TRIP12: variants seen among roughly 807,000 people sequenced by gnomAD.
The protein encoded by TRIP12 is thyroid hormone receptor interactor 12, also known as E3 ubiquitin-protein ligase TRIP12.
TRIP12 carries 25 observed loss-of-function variants against 244.2 expected under a neutral mutation model. The ratio of observed to expected loss-of-function variants is 0.10; its 90% CI spans 0.07 to 0.14. The LOEUF is 0.14. TRIP12 is among the 10% of genes least tolerant of loss of function. The pLI is 1.00. For synonymous variants in TRIP12, 905 were observed against 873.1 expected, an observed-to-expected ratio of 1.04 and a Z score of -0.64; for missense variants, 1,677 against 2,486.4, an observed-to-expected ratio of 0.67 and a Z score of 6.92.
At chr2:229,789,801 T>C in intron 30 of TRIP12, 39 bp from the exon 31 acceptor site, 1 of 1,610,224 alleles carries the variant, frequency 6.2e-7, no homozygotes, top group Non-Finnish European at 8.5e-7. Context: ...TGATCAAAGT[T>C]AGAAAGGCTA....
At chr2:229,820,856 C>CT in intron 8 of TRIP12, among the ~76,000 whole-genome samples, 1 of 152,274 alleles carries the variant, frequency 6.6e-6, no homozygotes, top group East Asian at 1.9e-4. Context: ...TCCCAAAGTG[C>CT]TGGGATTACA....
intron 4 of TRIP12, among the ~76,000 whole-genome samples, chr2:229,852,156 C>T (rs1389313973): frequency 6.6e-6 from 1 of 152,184 alleles, no homozygotes; most frequent in African/African-American, 2.4e-5. Flanking sequence ...CAAAAGTAAG[C>T]TGTTAACTAC....
At chr2:229,854,105 G>A (rs565783803) in intron 4 of TRIP12, among the ~76,000 whole-genome samples, 1 of 152,060 alleles carries the variant, frequency 6.6e-6, no homozygotes, top group East Asian at 1.9e-4. Context: ...TGGATATATT[G>A]CTTAGTGGCA....
At chr2:229,855,541 C>T (rs10209530) in intron 4 of TRIP12, among the ~76,000 whole-genome samples, 3 of 144,372 alleles carry the variant, frequency 2.1e-5, no homozygotes, top group African/African-American at 7.8e-5. Flanking sequence ...TCTCTAGAGT[C>T]TTAGTATCTC....
intron 37 of TRIP12, among the ~76,000 whole-genome samples, chr2:229,774,825 G>A (rs1197196056): frequency 6.8e-6 from 1 of 146,708 alleles, no homozygotes; most frequent in East Asian, 2.0e-4. Context: ...GCAACACTGT[G>A]ATCTAAAAAA....
chr2:229,833,169 G>A (rs6740255), intron 6 of TRIP12, among the ~76,000 whole-genome samples: 2,643 of 152,260 alleles, frequency 0.017, 38 homozygotes, highest in Non-Finnish European at 0.025. Flanking sequence ...ATCTCAAACT[G>A]CACTGCCACA....
intron 1 of TRIP12, among the ~76,000 whole-genome samples, chr2:229,909,116 A>G (rs961456583): frequency 6.8e-6 from 1 of 147,726 alleles, no homozygotes; most frequent in Non-Finnish European, 1.5e-5. Flanking sequence ...AAGAGATTTT[A>G]TGTTAGTTTT....
intron 2 of TRIP12, among the ~76,000 whole-genome samples, chr2:229,866,128 T>C (rs2061473874): frequency 6.6e-6 from 1 of 152,210 alleles, no homozygotes; most frequent in Non-Finnish European, 1.5e-5. Flanking sequence ...ATGAAAACCT[T>C]ATGAAAAGCC....
At chr2:229,829,350 A>T in intron 7 of TRIP12, 62 bp from the exon 8 acceptor site, 1 of 1,368,746 alleles carries the variant, frequency 7.3e-7, no homozygotes. Flanking sequence ...GATGTATCTA[A>T]AAATTTCAAG....
intron 25 of TRIP12, 31 bp from the exon 26 acceptor site, chr2:229,795,361 C>T: frequency 6.3e-7 from 1 of 1,579,462 alleles, no homozygotes; most frequent in Non-Finnish European, 8.6e-7. Flanking sequence ...ACAGGTTAAA[C>T]AAAGCCTTTT....
At chr2:229,788,188 T>G (rs2040562804) in intron 32 of TRIP12, among the ~76,000 whole-genome samples, 1 of 152,252 alleles carries the variant, frequency 6.6e-6, no homozygotes, top group Non-Finnish European at 1.5e-5. Flanking sequence ...AGCCTTTCAA[T>G]GCAGAATCTG....
chr2:229,903,200 C>G lies in TRIP12; in HGVS notation c.-50+18680G>C, dbSNP rs915511452. On this transcript the variant is annotated intron_variant, in intron 1 of 41. Transcript: ENST00000675903. ...TGGACACAATGACTTCAAGCCTTGA[C>G]AGCCATTCAGTAACCGTGAGAACCA... Among the ~76,000 whole-genome samples, 9 of 152,036 alleles carry G rather than the reference C, an allele frequency of 5.9e-5. No homozygotes were observed. In the East Asian group the frequency reaches 1.7e-3, roughly 29 times the overall value.
chr2:229,824,484 A>C (rs1056829723), intron 8 of TRIP12, among the ~76,000 whole-genome samples: 1 of 152,190 alleles, frequency 6.6e-6, no homozygotes, highest in Non-Finnish European at 1.5e-5. Context: ...AAAAATACGA[A>C]AGCTACATTT....
intron 5 of TRIP12, among the ~76,000 whole-genome samples, 192 bp downstream of exon 5, chr2:229,840,630 A>AG (rs1223241999): frequency 1.3e-5 from 2 of 152,104 alleles, no homozygotes; most frequent in East Asian, 3.9e-4. Flanking sequence ...TGAACCCGGG[A>AG]GGCGCAGGTT....
chr2:229,903,938 A>G (rs944926799), intron 1 of TRIP12, among the ~76,000 whole-genome samples: 3 of 151,928 alleles, frequency 2.0e-5, no homozygotes, highest in Non-Finnish European at 2.9e-5. Context: ...AGGAGGGCTG[A>G]GGCAGGAGGA....
At chr2:229,850,550 C>A (rs1396289925) in intron 4 of TRIP12, among the ~76,000 whole-genome samples, 3 of 152,226 alleles carry the variant, frequency 2.0e-5, no homozygotes, top group Non-Finnish European at 4.4e-5. Flanking sequence ...AAGGTGACAG[C>A]GTGTGGCAGT....
At position 229,859,549 on chromosome 2, in the gene TRIP12, T is replaced by G. The variant is rs373990630; in HGVS notation, c.250A>C (p.Ile84Leu). Reference protein sequence around the residue: ...KRSCSSSSAVIVPQPEDPDRA... With the variant: ...KRSCSSSSAVLVPQPEDPDRA... Reference sequence around the variant, plus strand: ...TCTGGATCCTCTGGTTGTGGAACTATCACAGCAGATGATGAACTGCAGCTT... The same window carrying G: ...TCTGGATCCTCTGGTTGTGGAACTAGCACAGCAGATGATGAACTGCAGCTT... The change falls in exon 4 of 42, where the codon ATA (isoleucine) becomes CTA (leucine). Residue 84 changes from isoleucine to leucine, a missense_variant. Ile to Leu is a conservative substitution (Grantham distance 5). Transcript: ENST00000675903. 6.2e-7 allele frequency: 1 copy of G among 1,613,598 alleles called. No individual in the cohort carries two copies. Among genetic ancestry groups the G allele is most frequent in the Non-Finnish European group, 8.5e-7 (1 of 1,179,694 alleles).
intron 1 of TRIP12, among the ~76,000 whole-genome samples, chr2:229,916,182 G>T (rs948175631): frequency 1.3e-5 from 2 of 152,168 alleles, no homozygotes; most frequent in Non-Finnish European, 2.9e-5. Context: ...ACATTAGGTG[G>T]TAATAATCAA....
chr2:229,859,693 G>T, intron 3 of TRIP12, 119 bp from the exon 4 acceptor site: 1 of 1,153,280 alleles, frequency 8.7e-7, no homozygotes, highest in Non-Finnish European at 1.2e-6. Flanking sequence ...ATTAAACATA[G>T]GTTTTCAGAA....
Sources: allele counts gnomAD v4.1 joint callset (sites outside exome capture counted in the v4.1 genomes callset), GRCh38; gene constraint gnomAD v4.1.1; transcripts MANE v1.5; gene names NCBI Gene and HGNC (gene_info 2026-07-23, HGNC 2026-07-21).